Variants in UBE2Q2 observed in about 807,000 individuals in gnomAD.
UBE2Q2 encodes the protein ubiquitin-conjugating enzyme E2 Q2.
Under a neutral mutation model 59.9 loss-of-function variants are expected in UBE2Q2, and 54 were observed. That is an observed-to-expected ratio of 0.90 (90% confidence interval 0.72 to 1.13). UBE2Q2 has a LOEUF of 1.13. Among genes scored for constraint, UBE2Q2 ranks in the 50% most tolerant of loss-of-function variants. The probability of loss-of-function intolerance (pLI) is 0.00; values close to 1 mark genes in which losing one functional copy is unlikely to be tolerated. For synonymous variants in UBE2Q2, 165 were observed against 155.2 expected, an observed-to-expected ratio of 1.06 and a Z score of -0.47; for missense variants, 433 against 441.9, an observed-to-expected ratio of 0.98 and a Z score of 0.18.
At chr15:75,884,180 C>CA (rs1199296676) in intron 9 of UBE2Q2, among the ~76,000 whole-genome samples, 1 of 152,196 alleles carries the variant, frequency 6.6e-6, no homozygotes, top group East Asian at 1.9e-4. Context: ...AGTAGGCCCT[C>CA]AAAGTATGAG....
intron 3 of UBE2Q2, among the ~76,000 whole-genome samples, chr15:75,860,741 G>A (rs1477874450): frequency 1.3e-5 from 2 of 152,030 alleles, no homozygotes; most frequent in Non-Finnish European, 2.9e-5. Flanking sequence ...GTTCCTCTGT[G>A]CCCATCTTGG....
intron 1 of UBE2Q2, chr15:75,844,299 C>T (rs1356587960): frequency 2.8e-5 from 43 of 1,546,560 alleles, no homozygotes; most frequent in Non-Finnish European, 2.2e-5. Context: ...GATTTTCCTT[C>T]TTCCCGCTTG....
At position 75,858,903 on chromosome 15, in the gene UBE2Q2, C is replaced by T. The variant is rs115942477; in HGVS notation, c.283-975C>T. On this transcript the variant is annotated intron_variant, in intron 2 of 12. Coordinates refer to ENST00000267938, the MANE Select transcript of UBE2Q2 (RefSeq NM_173469.4). ...TCATTTTCATTTGCTCCGTTGTCCA[C>T]TTTGGGAAAGCTTATTCTTTGCTTC... 3.9e-3 allele frequency among the ~76,000 whole-genome samples: 589 copies of T among 152,356 alleles called. 3 individuals are homozygous for T. The highest frequency in any genetic ancestry group is 0.013 in the African/African-American group (545 of 41,590).
At chr15:75,898,135 GTACT>G (rs1195473643) in intron 12 of UBE2Q2, among the ~76,000 whole-genome samples, 13 of 152,146 alleles carry the variant, frequency 8.5e-5, no homozygotes, top group Admixed American at 7.2e-4. Context: ...ATACTAAACA[GTACT>G]TAGTCTAATT....
At chr15:75,885,684 C>G (rs986383513) in intron 9 of UBE2Q2, among the ~76,000 whole-genome samples, 4 of 152,150 alleles carry the variant, frequency 2.6e-5, no homozygotes, top group Non-Finnish European at 5.9e-5. Flanking sequence ...AGGATTCCTT[C>G]GTGAGCAGAT....
chr15:75,843,951 C>T (rs1036584726), intron 1 of UBE2Q2, 105 bp downstream of exon 1: 29 of 1,415,200 alleles, frequency 2.0e-5, no homozygotes, highest in Non-Finnish European at 2.4e-5. Context: ...TCCGGCTCCC[C>T]GGGCGGGGCA....
chr15:75,855,021 T>C (rs2141557073), intron 2 of UBE2Q2, among the ~76,000 whole-genome samples: 1 of 152,232 alleles, frequency 6.6e-6, no homozygotes, highest in African/African-American at 2.4e-5. Context: ...TAGTAAAATA[T>C]AGACAGGAAA....
At chr15:75,892,943 T>C (rs1388336777) in intron 11 of UBE2Q2, among the ~76,000 whole-genome samples, 1 of 152,140 alleles carries the variant, frequency 6.6e-6, no homozygotes, top group Admixed American at 6.5e-5. Context: ...GATTAGATGA[T>C]TATCTCAAAA....
intron 8 of UBE2Q2, among the ~76,000 whole-genome samples, chr15:75,882,966 A>C (rs1438973023): frequency 6.6e-6 from 1 of 152,158 alleles, no homozygotes; most frequent in Non-Finnish European, 1.5e-5. Context: ...TAATTGGAAG[A>C]AAACCTAAGG....
chr15:75,898,583 A>G lies in UBE2Q2; in HGVS notation c.1097-844A>G, dbSNP rs114013112. On this transcript the variant is annotated intron_variant, in intron 12 of 12. Transcript: ENST00000267938. The stretch of plus-strand genomic sequence containing the variant: ...TTAACTATAGTCACCATGTTGTACA[A>G]TAGCTCAAGATGGATTCTAGTTTGG... 4.3e-3 allele frequency among the ~76,000 whole-genome samples: 656 copies of G among 152,314 alleles called. 13 individuals are homozygous for G. The highest frequency in any genetic ancestry group is 0.015 in the African/African-American group (616 of 41,566).
At chr15:75,876,589 A>C (rs1898094314) in intron 6 of UBE2Q2, among the ~76,000 whole-genome samples, 1 of 152,236 alleles carries the variant, frequency 6.6e-6, no homozygotes, top group South Asian at 2.1e-4. Context: ...AGTAAATAAG[A>C]GTAAAACATT....
chr15:75,855,380 A>C (rs969524411), intron 2 of UBE2Q2, among the ~76,000 whole-genome samples: 1 of 152,010 alleles, frequency 6.6e-6, no homozygotes, highest in Non-Finnish European at 1.5e-5. Context: ...AATCCCAGCT[A>C]CTTGGGAGGC....
rs375079084 is a variant in UBE2Q2 at position 75,887,581 on chromosome 15, TC to T, written c.885-2849del. On this transcript the variant is annotated intron_variant, in intron 9 of 12. Coordinates refer to ENST00000267938, the MANE Select transcript of UBE2Q2 (RefSeq NM_173469.4). ...GGCCACAGATCTTTTTTTTTTTTTT[TC>T]CCCCTCTGCTAAGTAGACTATCACC... is the stretch of plus-strand genomic sequence containing the variant. Among the ~76,000 whole-genome samples, 468 of 147,760 alleles carry T rather than the reference TC, an allele frequency of 3.2e-3. 1 individual carries two copies. The highest frequency in any genetic ancestry group is 3.7e-3 in the Admixed American group (55 of 14,790).
intron 11 of UBE2Q2, 99 bp from the exon 12 acceptor site, chr15:75,896,896 C>A: frequency 1.6e-6 from 1 of 621,000 alleles, no homozygotes; most frequent in Non-Finnish European, 2.7e-6. Flanking sequence ...TAGTCAGTTT[C>A]CCATGTTCTT....
At chr15:75,879,642 G>A (rs1028737152) in intron 8 of UBE2Q2, among the ~76,000 whole-genome samples, 1 of 152,174 alleles carries the variant, frequency 6.6e-6, no homozygotes, top group Admixed American at 6.5e-5. Flanking sequence ...GATCTTTAGA[G>A]TGAAAACAAT....
intron 1 of UBE2Q2, among the ~76,000 whole-genome samples, chr15:75,851,498 C>CTTT (rs1362660631): frequency 6.6e-6 from 1 of 151,802 alleles, no homozygotes; most frequent in Non-Finnish European, 1.5e-5. Context: ...TCAGGATATT[C>CTTT]TTGGAAAACG....
At chr15:75,878,904 T>G (rs1175601629) in intron 7 of UBE2Q2, among the ~76,000 whole-genome samples, 194 bp from the exon 8 acceptor site, 4 of 152,144 alleles carry the variant, frequency 2.6e-5, no homozygotes, top group Admixed American at 2.6e-4. Flanking sequence ...CTTTTGGACA[T>G]TTATTCCCAA....
chr15:75,870,484 AC>A (rs901119886), intron 4 of UBE2Q2, among the ~76,000 whole-genome samples: 2 of 152,184 alleles, frequency 1.3e-5, no homozygotes, highest in African/African-American at 2.4e-5. Context: ...CTGCATGAAA[AC>A]ATTAAACCTT....
intron 2 of UBE2Q2, among the ~76,000 whole-genome samples, chr15:75,855,216 T>C (rs1191366584): frequency 6.6e-6 from 1 of 152,124 alleles, no homozygotes; most frequent in East Asian, 1.9e-4. Context: ...ACTGGCCAGG[T>C]GTGGTGGCTC....
Sources: allele counts gnomAD v4.1 joint callset (sites outside exome capture counted in the v4.1 genomes callset), GRCh38; gene constraint gnomAD v4.1.1; transcripts MANE v1.5; gene names NCBI Gene and HGNC (gene_info 2026-07-23, HGNC 2026-07-21).